RPS6KA2: variants seen among roughly 807,000 people sequenced by gnomAD.
RPS6KA2 encodes the protein ribosomal protein S6 kinase alpha-2.
Under a neutral mutation model 91.8 loss-of-function variants are expected in RPS6KA2, and 42 were observed. The observed-to-expected ratio is 0.46, with a 90% CI of 0.36 to 0.59. RPS6KA2 has a LOEUF of 0.59. Ranked by LOEUF, RPS6KA2 falls within the 20% of genes least tolerant of loss-of-function variation. RPS6KA2 has a pLI of 0.00. For synonymous variants in RPS6KA2, 414 were observed against 393.6 expected (o/e 1.05, Z -0.61); for missense variants, 798 against 978.5 (o/e 0.82, Z 2.46).
At chr6:166,558,417 T>C (rs1478074602) in intron 1 of RPS6KA2, among the ~76,000 whole-genome samples, 1 of 152,150 alleles carries the variant, frequency 6.6e-6, no homozygotes, top group Non-Finnish European at 1.5e-5. Flanking sequence ...CCTCACTCAG[T>C]CCAGTGACTC....
chr6:166,753,975 C>T (rs375795017), intron 2 of RPS6KA2, among the ~76,000 whole-genome samples: 3 of 152,288 alleles, frequency 2.0e-5, no homozygotes, highest in African/African-American at 7.2e-5. Context: ...CATGCTTGAA[C>T]TTGATCTGTA....
intron 2 of RPS6KA2, among the ~76,000 whole-genome samples, chr6:166,673,532 C>G (rs923669110): frequency 9.2e-5 from 14 of 152,268 alleles, no homozygotes; most frequent in African/African-American, 3.4e-4. Context: ...GAGCACCTGG[C>G]CCTGAGCCCA....
At chr6:166,720,200 A>C (rs963499260) in intron 2 of RPS6KA2, among the ~76,000 whole-genome samples, 3 of 152,214 alleles carry the variant, frequency 2.0e-5, no homozygotes, top group African/African-American at 7.2e-5. Flanking sequence ...TTAGGTAATA[A>C]GTATTCAAAT....
chr6:166,473,808 G>A (rs930118341), intron 10 of RPS6KA2, among the ~76,000 whole-genome samples: 1 of 152,148 alleles, frequency 6.6e-6, no homozygotes, highest in African/African-American at 2.4e-5. Context: ...CATACTGCAA[G>A]CTTCTCCTAA....
At position 166,419,317 on chromosome 6, in the gene RPS6KA2, G is replaced by C. The variant is rs547923335; in HGVS notation, c.1820+565C>G. Among the ~76,000 whole-genome samples the C allele has an allele frequency of 4.6e-5, 7 of 152,328 alleles. No individual in the cohort carries two copies. The East Asian group carries it at 1.2e-3, about 25-fold the overall frequency. On this transcript the variant is annotated intron_variant, in intron 18 of 20. Transcript: ENST00000265678. The surrounding 1 kb of genome is among the most constrained non-coding windows in gnomAD (Gnocchi z 5.6). ...CCATGGTGTGTCCTCTTCTCACTCA[G>C]GGGAGAGGGAAGGGAGGCTGGTACA... is the stretch of plus-strand genomic sequence containing the variant.
At chr6:166,745,812 T>C (rs1790989909) in intron 2 of RPS6KA2, among the ~76,000 whole-genome samples, 1 of 152,186 alleles carries the variant, frequency 6.6e-6, no homozygotes, top group Non-Finnish European at 1.5e-5. Context: ...CCCTAGTGTG[T>C]CATGGTTTAA....
Position 166,648,072 on chromosome 6 carries a change from A to G in RPS6KA2, c.124-109288T>C, listed in dbSNP as rs573428610. On this transcript the variant is annotated intron_variant, in intron 2 of 21. Coordinates refer to the RPS6KA2 transcript ENST00000503859. This position sits in a 1 kb window ranked among gnomAD's most constrained non-coding sequence, Gnocchi z 4.8. ...CATGCACATGCTCACACACATGCAC[A>G]CGCACATGGTCATACACACACGCTC... Among the ~76,000 whole-genome samples the G allele has an allele frequency of 6.7e-4, 101 of 150,986 alleles. No individual in the cohort carries two copies. Among genetic ancestry groups the G allele is most frequent in the African/African-American group, 2.2e-3 (89 of 40,954 alleles).
chr6:166,590,627 C>T (rs1429943318), intron 1 of RPS6KA2, among the ~76,000 whole-genome samples: 1 of 152,212 alleles, frequency 6.6e-6, no homozygotes, highest in Admixed American at 6.5e-5. Flanking sequence ...CCACAACACA[C>T]ACACGCACGT....
intron 20 of RPS6KA2, 26 bp downstream of exon 20, chr6:166,413,768 C>G (rs369586817): frequency 6.2e-6 from 10 of 1,612,788 alleles, no homozygotes; most frequent in East Asian, 4.5e-5. Flanking sequence ...TCCCACCACT[C>G]TGTCCTCACT....
chr6:166,773,000 C>T (rs868263206), intron 2 of RPS6KA2, among the ~76,000 whole-genome samples: 9 of 152,184 alleles, frequency 5.9e-5, no homozygotes, highest in Admixed American at 2.0e-4. Context: ...TCCACCCCTT[C>T]TCTTCCTCCA....
chr6:166,834,038 T>C (rs1780254319), intron 2 of RPS6KA2, among the ~76,000 whole-genome samples: 1 of 152,158 alleles, frequency 6.6e-6, no homozygotes, highest in South Asian at 2.1e-4. Flanking sequence ...CTGTCCCCTT[T>C]TGCATAAATA....
intron 1 of RPS6KA2, among the ~76,000 whole-genome samples, chr6:166,553,511 AT>A (rs1784083392): frequency 1.4e-5 from 2 of 142,314 alleles, no homozygotes; most frequent in Non-Finnish European, 3.0e-5. Context: ...AACAGGAGTC[AT>A]TTAAAAAAAA....
In RPS6KA2 at chr6:166,522,907, G is replaced by T. The variant is rs186192681; in HGVS notation, c.298+8325C>A. 2.3e-3 allele frequency among the ~76,000 whole-genome samples: 354 copies of T among 152,194 alleles called. 1 individual carries two copies. Among genetic ancestry groups the T allele is most frequent in the Admixed American group, 8.0e-3 (122 of 15,296 alleles). ...CAGAATGGGCATGACTCCCCAACAG[G>T]TGTCTTTTTATTCTTCTATACTCAA... is the stretch of plus-strand genomic sequence containing the variant. On this transcript the variant is annotated intron_variant, in intron 3 of 20. Transcript: ENST00000265678.
intron 2 of RPS6KA2, among the ~76,000 whole-genome samples, chr6:166,663,602 G>T (rs1041389712): frequency 6.6e-6 from 1 of 152,166 alleles, no homozygotes; most frequent in African/African-American, 2.4e-5. Context: ...CCCCAACAGC[G>T]TGGCTTCCTG....
chr6:166,418,786 G>A lies in RPS6KA2; in HGVS notation c.1821-444C>T, dbSNP rs150830198. On this transcript the variant is annotated intron_variant, in intron 18 of 20. Transcript: ENST00000265678. The surrounding 1 kb of genome is among the most constrained non-coding windows in gnomAD (Gnocchi z 4.9). ...CCTCCACTGCAAATGCAGAGTGTAT[G>A]CACAAATACACATACATGCTTGGTG... is the stretch of plus-strand genomic sequence containing the variant. Among the ~76,000 whole-genome samples the A allele has an allele frequency of 1.8e-3, 270 of 152,388 alleles. 1 individual carries two copies. The highest frequency in any genetic ancestry group is 6.3e-3 in the African/African-American group (263 of 41,602).
At chr6:166,700,480 T>C (rs373453473) in intron 2 of RPS6KA2, among the ~76,000 whole-genome samples, 16 of 148,322 alleles carry the variant, frequency 1.1e-4, no homozygotes, top group South Asian at 6.3e-4. Context: ...TTATAAAGTA[T>C]ATAAAATTTT....
In RPS6KA2 at chr6:166,451,241, T is replaced by A. The variant is rs1235153225; in HGVS notation, c.1076-8A>T. ...GGGGGACGCCAGGAGAGTCTGTAGG[T>A]GACAGGGGCAGAGTTCAGATGCCAC... On this transcript the variant is annotated splice_region_variant and splice_polypyrimidine_tract_variant and intron_variant, in intron 12 of 20. Coordinates refer to ENST00000265678, the MANE Select transcript of RPS6KA2 (RefSeq NM_021135.6). 1 of 1,613,304 alleles carries A rather than the reference T, an allele frequency of 6.2e-7. No homozygotes were observed. Among genetic ancestry groups the A allele is most frequent in the Non-Finnish European group, 8.5e-7 (1 of 1,179,738 alleles).
chr6:166,761,196 C>T (rs894757084), intron 2 of RPS6KA2, among the ~76,000 whole-genome samples: 13 of 152,120 alleles, frequency 8.5e-5, no homozygotes, highest in Non-Finnish European at 1.3e-4. Context: ...CTTAAGTAGC[C>T]ACCGCACCCG....
At chr6:166,523,796 A>G (rs533204075) in intron 3 of RPS6KA2, among the ~76,000 whole-genome samples, 1 of 152,356 alleles carries the variant, frequency 6.6e-6, no homozygotes, top group East Asian at 1.9e-4. Context: ...GCATCTCAGC[A>G]TAAGAGAGGA....
Sources: allele counts gnomAD v4.1 joint callset (sites outside exome capture counted in the v4.1 genomes callset), GRCh38; gene constraint gnomAD v4.1.1; non-coding constraint Gnocchi (gnomAD v3.1); transcripts MANE v1.5; gene names NCBI Gene and HGNC (gene_info 2026-07-23, HGNC 2026-07-21).